Variants in ARHGAP44 observed in about 807,000 individuals in gnomAD.
ARHGAP44 encodes the protein Rho GTPase activating protein 44.
ARHGAP44 carries 43 observed loss-of-function variants against 106.8 expected under a neutral mutation model. The ratio of observed to expected loss-of-function variants is 0.40; its 90% CI spans 0.32 to 0.52. The LOEUF (loss-of-function observed/expected upper bound fraction) is 0.52. Among genes scored for constraint, ARHGAP44 ranks in the 20% least tolerant of loss-of-function variants. ARHGAP44 has a pLI of 0.48. For missense variants in ARHGAP44, 866 were observed against 1,050.5 expected (o/e 0.82, Z 2.43); for synonymous variants, 439 against 410.3 (o/e 1.07, Z -0.85).
At chr17:12,965,127 A>C (rs1002147155) in intron 16 of ARHGAP44, among the ~76,000 whole-genome samples, 23 of 152,114 alleles carry the variant, frequency 1.5e-4, no homozygotes, top group African/African-American at 5.6e-4. Context: ...GACAGCATCT[A>C]TGAAGCTGCC....
Position 12,789,725 on chromosome 17 carries a change from A to G in ARHGAP44, c.-114A>G, listed in dbSNP as rs1336103393. The G allele has an allele frequency of 2.0e-6, 2 of 984,330 alleles. No individual in the cohort carries two copies. Among genetic ancestry groups the G allele is most frequent in the Non-Finnish European group, 2.7e-6 (2 of 735,904 alleles). The allele number at this position is 984,330 out of a possible 1,614,324, so 61.0% of individuals were successfully genotyped here. A position where few individuals can be genotyped will look rare whatever the true frequency, so the allele number is the denominator to read the frequency against. On this transcript the variant is annotated 5_prime_UTR_variant, in exon 1 of 21. Coordinates refer to ENST00000379672, the MANE Select transcript of ARHGAP44 (RefSeq NM_014859.6). ...GCCAGACGGCGCCCGGAGGCTCCGCAGTGCCGCCGCCGTCGCCCGGGAGGC... is the reference window on the plus strand; with the variant it reads ...GCCAGACGGCGCCCGGAGGCTCCGCGGTGCCGCCGCCGTCGCCCGGGAGGC...
chr17:12,805,923 CA>C (rs1161187368), intron 1 of ARHGAP44, among the ~76,000 whole-genome samples: 1 of 152,168 alleles, frequency 6.6e-6, no homozygotes, highest in Non-Finnish European at 1.5e-5. Context: ...TGAGCCTTTT[CA>C]CCTCTTCATT....
At chr17:12,834,467 G>A (rs1020064279) in intron 1 of ARHGAP44, among the ~76,000 whole-genome samples, 1 of 152,142 alleles carries the variant, frequency 6.6e-6, no homozygotes, top group African/African-American at 2.4e-5. Flanking sequence ...TGGCATCACT[G>A]CATTCCAGCC....
At chr17:12,801,238 T>G (rs566032507) in intron 1 of ARHGAP44, among the ~76,000 whole-genome samples, 2 of 152,272 alleles carry the variant, frequency 1.3e-5, no homozygotes, top group Non-Finnish European at 2.9e-5. Context: ...AGGAATCTCA[T>G]GCACACTGTT....
chr17:12,907,740 C>G (rs79212975), intron 3 of ARHGAP44, among the ~76,000 whole-genome samples: 4,663 of 152,182 alleles, frequency 0.031, 253 homozygotes, highest in African/African-American at 0.11. Context: ...TGAGTTGTTC[C>G]CACCTTTTGG....
In ARHGAP44 at chr17:12,990,346, G is replaced by C; in HGVS notation, c.*175G>C. ...ATCTCCAGTCCGTGTGGTGATGCTG[G>C]TGGTGCAGGTTTTGTTTGTTCCTTT... On this transcript the variant is annotated 3_prime_UTR_variant, in exon 21 of 21. Transcript: ENST00000379672. 1 of 802,882 alleles carries C rather than the reference G, an allele frequency of 1.2e-6. No homozygotes were observed. Among genetic ancestry groups the C allele is most frequent in the Non-Finnish European group, 1.9e-6 (1 of 529,034 alleles). The allele number at this position is 802,882 out of a possible 1,614,324, so 49.7% of individuals were successfully genotyped here. A position where few individuals can be genotyped will look rare whatever the true frequency, so the allele number is the denominator to read the frequency against.
chr17:12,978,410 G>A (rs1382708404), intron 18 of ARHGAP44, among the ~76,000 whole-genome samples: 1 of 152,206 alleles, frequency 6.6e-6, no homozygotes. Context: ...TTTGCCCCTT[G>A]GGGAACTAGG....
At chr17:12,868,750 C>T (rs771210966) in intron 1 of ARHGAP44, among the ~76,000 whole-genome samples, 4 of 150,756 alleles carry the variant, frequency 2.7e-5, no homozygotes, top group East Asian at 2.0e-4. Flanking sequence ...CTCCACCTCC[C>T]GGGTTCAAGC....
At position 12,789,706 on chromosome 17, in the gene ARHGAP44, C is replaced by A; in HGVS notation, c.-133C>A. 4 of 730,132 alleles carry A rather than the reference C, an allele frequency of 5.5e-6. No homozygotes were observed. The highest frequency in any genetic ancestry group is 7.7e-6 in the Non-Finnish European group (4 of 519,222). 45.2% of individuals were successfully genotyped at this position (730,132 alleles called of 1,614,324 possible). A position where few individuals can be genotyped will look rare whatever the true frequency, so the allele number is the denominator to read the frequency against. Reference sequence around the variant, plus strand: ...GGGAGGGAGCTGCGCGCGGGCCAGACGGCGCCCGGAGGCTCCGCAGTGCCG... The same window carrying A: ...GGGAGGGAGCTGCGCGCGGGCCAGAAGGCGCCCGGAGGCTCCGCAGTGCCG... On this transcript the variant is annotated 5_prime_UTR_variant, in exon 1 of 21. Transcript: ENST00000379672.
At chr17:12,854,247 T>C (rs2035840950) in intron 1 of ARHGAP44, among the ~76,000 whole-genome samples, 1 of 152,176 alleles carries the variant, frequency 6.6e-6, no homozygotes, top group Admixed American at 6.5e-5. Flanking sequence ...GAATTAGCAC[T>C]GCTAGCTACT....
chr17:12,969,111 G>C (rs182080377), intron 16 of ARHGAP44, among the ~76,000 whole-genome samples: 1 of 152,194 alleles, frequency 6.6e-6, no homozygotes, highest in Admixed American at 6.5e-5. Flanking sequence ...AAAATCTTTT[G>C]ATGTTTAGGG....
rs1312324638 is a variant in ARHGAP44 at position 12,916,002 on chromosome 17, G to T, written c.378G>T (p.Leu126Phe). 6.2e-7 allele frequency: 1 copy of T among 1,613,766 alleles called. No individual in the cohort carries two copies. The highest frequency in any genetic ancestry group is 8.5e-7 in the Non-Finnish European group (1 of 1,179,806). The part of the protein sequence containing the change: ...VERDVIEPLF[L>F]LAEVEIPNIQ... ...GAGACGTGATTGAGCCCCTGTTTTTGCTGGCGGAGGTAAGCAGCAGGAGTG... is the reference window on the plus strand; with the variant it reads ...GAGACGTGATTGAGCCCCTGTTTTTTCTGGCGGAGGTAAGCAGCAGGAGTG... Residue 126 changes from leucine (L) to phenylalanine (F), a missense_variant, in exon 5 of 21, where the codon TTG (leucine) becomes TTT (phenylalanine). By Grantham distance (22) the Leu-to-Phe change is conservative. Transcript: ENST00000379672.
chr17:12,926,499 GTATATATATTATATA>G (rs1333695604), intron 6 of ARHGAP44, among the ~76,000 whole-genome samples: 1 of 138,840 alleles, frequency 7.2e-6, no homozygotes, highest in Non-Finnish European at 1.5e-5. Flanking sequence ...TATAATATAT[GTATATATATTATATA>G]TGCATATATA....
intron 13 of ARHGAP44, among the ~76,000 whole-genome samples, chr17:12,955,403 C>G (rs1436260555): frequency 6.6e-6 from 1 of 152,110 alleles, no homozygotes; most frequent in East Asian, 1.9e-4. Flanking sequence ...TATACTAAGT[C>G]TGTGTTGGAC....
chr17:12,915,837 G>T, intron 4 of ARHGAP44, 63 bp from the exon 5 acceptor site: 2 of 1,408,586 alleles, frequency 1.4e-6, no homozygotes, highest in African/African-American at 1.4e-5. Context: ...GTGAGGGGAG[G>T]GTAACGCCAG....
intron 1 of ARHGAP44, among the ~76,000 whole-genome samples, chr17:12,858,805 A>AGGTTTAGT: frequency 6.6e-6 from 1 of 152,164 alleles, no homozygotes. Flanking sequence ...AAAGAAAAAG[A>AGGTTTAGT]GGTTTAGTGG....
intron 1 of ARHGAP44, among the ~76,000 whole-genome samples, chr17:12,832,869 A>G (rs920912237): frequency 3.3e-5 from 5 of 152,248 alleles, no homozygotes; most frequent in Non-Finnish European, 5.9e-5. Context: ...TGGATTGTCC[A>G]TGGTTGGTTT....
chr17:12,798,068 A>C (rs529394457), intron 1 of ARHGAP44, among the ~76,000 whole-genome samples: 1 of 152,184 alleles, frequency 6.6e-6, no homozygotes, highest in Non-Finnish European at 1.5e-5. Flanking sequence ...TTCATGAACT[A>C]TCTCATTATT....
chr17:12,931,653 C>T (rs1396805807), intron 7 of ARHGAP44, among the ~76,000 whole-genome samples: 5 of 151,964 alleles, frequency 3.3e-5, no homozygotes, highest in East Asian at 1.9e-4. Flanking sequence ...CCCGCCACCA[C>T]GCCCGGCTAA....
Sources: gnomAD v4.1 joint callset for allele counts (sites outside exome capture counted in the v4.1 genomes callset) on GRCh38, gnomAD v4.1.1 for gene constraint, MANE v1.5 for transcripts, NCBI Gene and HGNC (gene_info 2026-07-23, HGNC 2026-07-21) for gene names.